RAD17: variants seen among roughly 807,000 people sequenced by gnomAD.
RAD17 encodes the protein cell cycle checkpoint protein RAD17.
Under a neutral mutation model 81.5 loss-of-function variants are expected in RAD17, and 31 were observed. The ratio of observed to expected loss-of-function variants is 0.38; its 90% CI spans 0.29 to 0.51. The LOEUF is 0.51. Ranked by LOEUF, RAD17 falls within the 20% of genes least tolerant of loss-of-function variation. The probability of loss-of-function intolerance (pLI) is 0.88; values close to 1 mark genes in which losing one functional copy is unlikely to be tolerated. For synonymous variants in RAD17, 261 were observed against 266.2 expected (o/e 0.98, Z 0.19); for missense variants, 681 against 781.2 (o/e 0.87, Z 1.53).
chr5:69,369,424 C>T, upstream of RAD17: 2 of 1,603,956 alleles, frequency 1.2e-6, no homozygotes, highest in Non-Finnish European at 8.5e-7. Context: ...GCGCCCCCAG[C>T]CTGCCCCAGC....
intron 5 of RAD17, 60 bp from the exon 6 acceptor site, chr5:69,374,568 G>C: frequency 8.2e-7 from 1 of 1,219,298 alleles, no homozygotes; most frequent in Non-Finnish European, 1.2e-6. Context: ...CATATGTGCT[G>C]ATGTACCAAA....
At chr5:69,369,653 T>C (rs943303248), upstream of RAD17, 1 of 1,560,064 alleles carries the variant, frequency 6.4e-7, no homozygotes. Flanking sequence ...GGCCCACTGG[T>C]TACCTGGCTT....
intron 4 of RAD17, 133 bp downstream of exon 4, chr5:69,372,350 CT>C: frequency 1.3e-6 from 1 of 763,128 alleles, no homozygotes; most frequent in Non-Finnish European, 2.1e-6. Context: ...CCCAAATTGT[CT>C]CCCCTAAGCC....
intron 6 of RAD17, among the ~76,000 whole-genome samples, chr5:69,380,577 A>T (rs1005290126): frequency 3.0e-4 from 46 of 152,234 alleles, no homozygotes; most frequent in African/African-American, 1.1e-3. Context: ...TTGTCCAAGT[A>T]CATAGGTTCT....
intron 7 of RAD17, among the ~76,000 whole-genome samples, chr5:69,383,395 T>A (rs983055863): frequency 1.3e-4 from 19 of 151,432 alleles, no homozygotes; most frequent in South Asian, 2.1e-4. Flanking sequence ...TATTATTATT[T>A]TTTTTTTGAG....
At chr5:69,378,895 C>T (rs1053406846) in intron 6 of RAD17, among the ~76,000 whole-genome samples, 3 of 152,132 alleles carry the variant, frequency 2.0e-5, no homozygotes, top group African/African-American at 7.2e-5. Context: ...GCAATTATAA[C>T]ACAGTGGGAA....
At chr5:69,391,229 C>CA (rs34553672) in intron 12 of RAD17, among the ~76,000 whole-genome samples, 1,489 of 110,058 alleles carry the variant, frequency 0.014, 12 homozygotes, top group African/African-American at 0.027. Context: ...GACTCCATCT[C>CA]AAAAAAAAAA....
chr5:69,405,970 A>T (rs1205075869), intron 17 of RAD17, among the ~76,000 whole-genome samples: 1 of 150,260 alleles, frequency 6.7e-6, no homozygotes, highest in Non-Finnish European at 1.5e-5. Context: ...TGAATCCAGG[A>T]GGTAGAGGTT....
chr5:69,410,671 A>G, intron 18 of RAD17, 121 bp downstream of exon 18: 1 of 901,762 alleles, frequency 1.1e-6, no homozygotes, highest in Non-Finnish European at 1.7e-6. Context: ...CTAGTAATTT[A>G]TAAACATAAT....
At chr5:69,374,509 A>C (rs1763217329) in intron 5 of RAD17, 119 bp from the exon 6 acceptor site, 2 of 597,798 alleles carry the variant, frequency 3.3e-6, no homozygotes, top group African/African-American at 3.8e-5. Flanking sequence ...ATTTTATTAT[A>C]TAGATTGTTA....
rs138960901 is a variant in RAD17, at chr5:69,385,595, A to G, written c.646-448A>G. Among the ~76,000 whole-genome samples, 212 of 152,248 alleles carry G rather than the reference A, an allele frequency of 1.4e-3. 1 individual carries two copies. Among genetic ancestry groups the G allele is most frequent in the African/African-American group, 4.9e-3 (204 of 41,542 alleles). On this transcript the variant is annotated intron_variant, in intron 8 of 18. Transcript: ENST00000354868. ...CAACTTTTAAAATTTTGCTGTAGCTATTGACTAAACAATTGTGAGATATAT... is the reference window on the plus strand; with the variant it reads ...CAACTTTTAAAATTTTGCTGTAGCTGTTGACTAAACAATTGTGAGATATAT...
chr5:69,369,882 A>G lies in RAD17; in HGVS notation c.-468A>G, dbSNP rs1762817991. ...AGGTGGCTGCCCTTTCACCTAGGGTAGTCCCTGGTCGCCTCCGCTCTTCGC... is the reference window on the plus strand; with the variant it reads ...AGGTGGCTGCCCTTTCACCTAGGGTGGTCCCTGGTCGCCTCCGCTCTTCGC... On this transcript the variant is annotated 5_prime_UTR_variant, in exon 1 of 19. Coordinates refer to ENST00000354868, the MANE Select transcript of RAD17 (RefSeq NM_133338.3). 3 of 620,368 alleles carry G rather than the reference A, an allele frequency of 4.8e-6. No homozygotes were observed. The highest frequency in any genetic ancestry group is 2.1e-5 in the South Asian group (1 of 47,652). 38.4% of individuals were successfully genotyped at this position (620,368 alleles called of 1,614,324 possible). A position where few individuals can be genotyped will look rare whatever the true frequency, so the allele number is the denominator to read the frequency against.
At chr5:69,408,554 C>T (rs562155740) in intron 17 of RAD17, among the ~76,000 whole-genome samples, 100 of 141,478 alleles carry the variant, frequency 7.1e-4, no homozygotes, top group Middle Eastern at 4.0e-3. Flanking sequence ...CGCTCTGTCA[C>T]CCAGACTGGA....
Position 69,386,289 on chromosome 5 carries a change from T to C in RAD17, c.808T>C (p.Ser270Pro). The change falls in exon 10 of 19, where the codon TCT becomes CCT. Residue 270 changes from serine to proline, a missense_variant. Coordinates refer to ENST00000354868, the MANE Select transcript of RAD17 (RefSeq NM_133338.3). ...TCCCAAAGAAATTCAGGAAGAGTGT[T>C]CTATCTCAAATATTAGGTAAGAAAG... Reference protein sequence around the residue: ...LFPKEIQEECSISNISFNPVA... With the variant: ...LFPKEIQEECPISNISFNPVA... 1.2e-6 allele frequency: 2 copies of C among 1,603,320 alleles called. No homozygotes were observed. The highest frequency in any genetic ancestry group is 1.1e-5 in the South Asian group (1 of 88,476).
chr5:69,408,746 A>C (rs1283061824), intron 17 of RAD17, among the ~76,000 whole-genome samples: 4 of 151,942 alleles, frequency 2.6e-5, no homozygotes, highest in Non-Finnish European at 5.9e-5. Flanking sequence ...CCTGACCTCA[A>C]GTGATCCACC....
intron 17 of RAD17, among the ~76,000 whole-genome samples, chr5:69,407,744 G>T (rs1765717177): frequency 6.6e-6 from 1 of 151,752 alleles, no homozygotes; most frequent in Non-Finnish European, 1.5e-5. Context: ...GCCCGGCGGG[G>T]TTTCGCCATG....
In RAD17 at chr5:69,373,814, T is replaced by C; in HGVS notation, c.10-16T>C. The C allele has an allele frequency of 6.3e-7, 1 of 1,590,926 alleles. No homozygotes were observed. The highest frequency in any genetic ancestry group is 8.6e-7 in the Non-Finnish European group (1 of 1,169,226). ...AGAAAATGTGATTATATTTACATGA[T>C]TTCTTTTTTTTTCAGGTAACAGACT... is the stretch of plus-strand genomic sequence containing the variant. On this transcript the variant is annotated splice_polypyrimidine_tract_variant and intron_variant, in intron 4 of 18. Transcript: ENST00000354868.
Position 69,373,711 on chromosome 5 carries a change from TTTTTTAAG to T in RAD17, c.10-114_10-107del. ...ATTTTTTTTTTTTTTTTTTTTTTTT[TTTTTTAAG>T]TTTTAAAGGTTATAAATATATGAAT... is the stretch of plus-strand genomic sequence containing the variant. On this transcript the variant is annotated intron_variant, in intron 4 of 18. Coordinates refer to ENST00000354868, the MANE Select transcript of RAD17 (RefSeq NM_133338.3). 1.8e-5 allele frequency: 8 copies of T among 435,610 alleles called. No homozygotes were observed. In the South Asian group the frequency reaches 1.9e-4, roughly 10 times the overall value. The allele number at this position is 435,610 out of a possible 1,614,324, so 27.0% of individuals were successfully genotyped here.
intron 13 of RAD17, chr5:69,392,750 G>T: frequency 4.6e-6 from 2 of 435,358 alleles, no homozygotes; most frequent in Non-Finnish European, 4.6e-6. Context: ...CCCAACATAC[G>T]TTTATCGTCT....
Sources: gnomAD v4.1 joint callset for allele counts (sites outside exome capture counted in the v4.1 genomes callset) on GRCh38, gnomAD v4.1.1 for gene constraint, MANE v1.5 for transcripts, NCBI Gene and HGNC (gene_info 2026-07-23, HGNC 2026-07-21) for gene names.